Variants in MVP observed in about 807,000 individuals in gnomAD.
MVP encodes lung resistance-related protein.
Under a neutral mutation model 83.5 loss-of-function variants are expected in MVP, and 62 were observed. That is an observed-to-expected ratio of 0.74 (90% CI 0.61 to 0.92). The LOEUF is 0.92. Ranked by LOEUF, MVP falls within the 40% of genes least tolerant of loss-of-function variation. The pLI, the probability that MVP is intolerant of heterozygous loss-of-function variation, is 0.00. For synonymous variants in MVP, 505 were observed against 504.1 expected (o/e 1.00, Z -0.02); for missense variants, 1,000 against 1,203.4 (o/e 0.83, Z 2.50).
At chr16:29,821,971 A>G (rs1234711431) in intron 1 of MVP, among the ~76,000 whole-genome samples, 1 of 152,120 alleles carries the variant, frequency 6.6e-6, no homozygotes, top group Non-Finnish European at 1.5e-5. Flanking sequence ...CAGGCCTGTA[A>G]TCCCAGTACT....
intron 5 of MVP, chr16:29,835,499 A>C (rs980524522): frequency 8.8e-6 from 3 of 342,392 alleles, no homozygotes; most frequent in Admixed American, 4.4e-5. Context: ...AAAAAAAAAA[A>C]AAAAAACTTT....
intron 1 of MVP, among the ~76,000 whole-genome samples, chr16:29,821,738 A>G (rs980756954): frequency 9.9e-5 from 15 of 152,238 alleles, no homozygotes; most frequent in Non-Finnish European, 4.4e-5. Flanking sequence ...CTTAACTTGC[A>G]GGTTCTTGTG....
In MVP at chr16:29,841,582, G is replaced by T. The variant is rs753911043; in HGVS notation, c.1192-14G>T. Reference sequence around the variant, plus strand: ...ACCCTTACGGGCAGCTTCCCTCCCTGTCCTCGTCCCAAGGTGCGCGCTGTG... The same window carrying T: ...ACCCTTACGGGCAGCTTCCCTCCCTTTCCTCGTCCCAAGGTGCGCGCTGTG... On this transcript the variant is annotated splice_polypyrimidine_tract_variant and intron_variant, in intron 8 of 14. Transcript: ENST00000357402. The surrounding 1 kb of genome is among the most constrained non-coding windows in gnomAD (Gnocchi z 4.7). 1 of 1,570,704 alleles carries T rather than the reference G, an allele frequency of 6.4e-7. No homozygotes were observed. The highest frequency in any genetic ancestry group is 2.3e-5 in the East Asian group (1 of 44,356).
chr16:29,844,634 T>C lies in MVP; in HGVS notation c.1776T>C (p.His592=), dbSNP rs143747451. Reference sequence around the variant, plus strand: ...CCTCTGTCACTTTCGATGACTTCCATAAGAACTCAGCCCGCATCATTCGCA... The same window carrying C: ...CCTCTGTCACTTTCGATGACTTCCACAAGAACTCAGCCCGCATCATTCGCA... ...AVASVTFDDF[H]KNSARIIRTA... is the part of the protein sequence containing the mutation. Residue 592 remains histidine (H), a synonymous_variant, in exon 11 of 15, where the codon CAT becomes CAC. Transcript: ENST00000357402. 1,569 of 1,614,170 alleles carry C rather than the reference T, an allele frequency of 9.7e-4. No homozygotes were observed. The highest frequency in any genetic ancestry group is 1.3e-3 in the Non-Finnish European group (1,475 of 1,179,992).
Position 29,838,193 on chromosome 16 carries a change from C to T in MVP, c.909+1235C>T, listed in dbSNP as rs542950655. 4.0e-5 allele frequency among the ~76,000 whole-genome samples: 6 copies of T among 151,734 alleles called. No individual in the cohort carries two copies. In the East Asian group the frequency reaches 7.9e-4, roughly 20 times the overall value. ...TTACATGTGTAATCCCAGCACTTTA[C>T]GAGTCCAAAGCGGGTGGATCGCTTG... On this transcript the variant is annotated intron_variant, in intron 7 of 14. Transcript: ENST00000357402.
intron 11 of MVP, 97 bp downstream of exon 11, chr16:29,844,976 A>G: frequency 7.0e-7 from 1 of 1,438,016 alleles, no homozygotes; most frequent in Non-Finnish European, 9.3e-7. Flanking sequence ...GCCTGCTGCC[A>G]TCCCTACCCT....
At position 29,842,070 on chromosome 16, in the gene MVP, C is replaced by T. The variant is rs773178461; in HGVS notation, c.1592C>T (p.Thr531Met). The T allele has an allele frequency of 1.4e-5, 22 of 1,607,842 alleles. No homozygotes were observed. Among genetic ancestry groups the T allele is most frequent in the African/African-American group, 4.0e-5 (3 of 74,876 alleles). The change falls in exon 10 of 15, where the codon ACG (threonine) becomes ATG (methionine). Residue 531 changes from threonine (T) to methionine (M), a missense_variant. Physicochemically the swap from Thr to Met is moderately conservative, Grantham distance 81. Transcript: ENST00000357402. The part of the protein sequence containing the change: ...DFFTDVITIE[T>M]ADHARLQLQL... ...TTCACAGACGTCATCACCATCGAAA[C>T]GGCGGATCATGCCAGGCTGCAACTG...
intron 1 of MVP, chr16:29,826,149 T>C (rs2067403307): frequency 6.6e-6 from 1 of 152,214 alleles, no homozygotes; most frequent in Non-Finnish European, 1.5e-5. Flanking sequence ...ATAGGAAAGT[T>C]GGGCCTCAGG....
chr16:29,827,827 G>A (rs1001205160), intron 1 of MVP, among the ~76,000 whole-genome samples: 2 of 152,084 alleles, frequency 1.3e-5, no homozygotes, highest in Non-Finnish European at 2.9e-5. Flanking sequence ...GAGGTGGGAG[G>A]ATCACTTGAG....
At chr16:29,838,663 A>C (rs1250884710) in intron 7 of MVP, among the ~76,000 whole-genome samples, 1 of 151,568 alleles carries the variant, frequency 6.6e-6, no homozygotes, top group Admixed American at 6.6e-5. Flanking sequence ...CCCCATTTTT[A>C]CAAAAACTTT....
In MVP at chr16:29,835,787, C is replaced by T. The variant is rs762222128; in HGVS notation, c.661C>T (p.Leu221Phe). The T allele has an allele frequency of 6.2e-7, 1 of 1,613,630 alleles. No homozygotes were observed. Among genetic ancestry groups the T allele is most frequent in the African/African-American group, 1.3e-5 (1 of 74,954 alleles). The stretch of plus-strand genomic sequence containing the variant: ...TCTGGATTTGGTGGACGCCGTCATC[C>T]TTACGGAAAAGGTTGGTGCTCTGGG... ...EVLDLVDAVI[L>F]TEKTALHLRA... The change falls in exon 6 of 15, where the codon CTT (leucine) becomes TTT (phenylalanine). Residue 221 changes from leucine to phenylalanine, a missense_variant. By Grantham distance (22) the Leu-to-Phe change is conservative. Transcript: ENST00000357402.
Position 29,845,879 on chromosome 16 carries a change from C to T in MVP, c.2038C>T (p.Leu680=). 6.2e-7 allele frequency: 1 copy of T among 1,614,000 alleles called. No individual in the cohort carries two copies. The highest frequency in any genetic ancestry group is 8.5e-7 in the Non-Finnish European group (1 of 1,179,902). Residue 680 remains leucine (L), a synonymous_variant, in exon 12 of 15, where the codon CTG becomes TTG. Transcript: ENST00000357402. ...EAAAKHEAQR[L]EQEARGRLER... ...CTCCTCCAGGCATGAGGCTCAGAGA[C>T]TGGAGCAGGAAGCCCGCGGCCGGCT...
chr16:29,829,885 T>A (rs2067428854), intron 1 of MVP: 1 of 152,582 alleles, frequency 6.6e-6, no homozygotes, highest in Non-Finnish European at 1.5e-5. Flanking sequence ...CCAGGATTAC[T>A]AAAGCATAGG....
rs780394021 is a variant in MVP, at chr16:29,833,707, T to A, written c.322-26T>A. The A allele has an allele frequency of 2.5e-6, 4 of 1,613,482 alleles. No individual in the cohort carries two copies. The South Asian group carries it at 3.3e-5, about 13-fold the overall frequency. On this transcript the variant is annotated intron_variant, in intron 3 of 14. Coordinates refer to ENST00000357402, the MANE Select transcript of MVP (RefSeq NM_005115.5). ...CCTGGGGTCACAGCACTGATGGTTC[T>A]GTGTCTCCACCTTCTTCCCCACTAG... is the stretch of plus-strand genomic sequence containing the variant.
chr16:29,847,506 C>A (rs1002116732), intron 14 of MVP, 121 bp downstream of exon 14: 11 of 1,025,982 alleles, frequency 1.1e-5, no homozygotes, highest in Non-Finnish European at 7.0e-6. Flanking sequence ...GTGACCTGAC[C>A]CACGATGCAG....
intron 11 of MVP, 34 bp downstream of exon 11, chr16:29,844,913 G>A: frequency 6.4e-7 from 1 of 1,571,288 alleles, no homozygotes; most frequent in Non-Finnish European, 8.6e-7. Context: ...TGCCTATAAT[G>A]CCCATGGCAG....
At position 29,841,865 on chromosome 16, in the gene MVP, A is replaced by G. The variant is rs1028430093; in HGVS notation, c.1436+25A>G. 18 of 1,608,252 alleles carry G rather than the reference A, an allele frequency of 1.1e-5. No homozygotes were observed. Among genetic ancestry groups the G allele is most frequent in the Non-Finnish European group, 1.5e-5 (18 of 1,179,734 alleles). Reference sequence around the variant, plus strand: ...GGTGAGTGCTGGCAGCGCAGGGTGTAGGGGGTGGCTCTCCATGGGTCTGGC... The same window carrying G: ...GGTGAGTGCTGGCAGCGCAGGGTGTGGGGGGTGGCTCTCCATGGGTCTGGC... On this transcript the variant is annotated intron_variant, in intron 9 of 14. Coordinates refer to ENST00000357402, the MANE Select transcript of MVP (RefSeq NM_005115.5). This position sits in a 1 kb window ranked among gnomAD's most constrained non-coding sequence, Gnocchi z 4.7.
chr16:29,824,042 G>T (rs1313020652), intron 1 of MVP, among the ~76,000 whole-genome samples: 1 of 151,330 alleles, frequency 6.6e-6, no homozygotes, highest in African/African-American at 2.4e-5. Flanking sequence ...CCAACATGGC[G>T]AAACCCTGTC....
At chr16:29,824,338 A>G (rs2150750011) in intron 1 of MVP, among the ~76,000 whole-genome samples, 1 of 151,034 alleles carries the variant, frequency 6.6e-6, no homozygotes, top group South Asian at 2.1e-4. Flanking sequence ...TTGAGGGTCG[A>G]GTTAAAATGC....
Sources: gnomAD v4.1 joint callset for allele counts (sites outside exome capture counted in the v4.1 genomes callset) on GRCh38, gnomAD v4.1.1 for gene constraint, Gnocchi (gnomAD v3.1) non-coding constraint, MANE v1.5 for transcripts, NCBI Gene and HGNC (gene_info 2026-07-23, HGNC 2026-07-21) for gene names.